Variants in AFF2 observed in about 807,000 individuals in gnomAD.
AFF2 encodes ALF transcription elongation factor 2, also known as AF4/FMR2 family member 2.
Under a neutral mutation model 76.9 loss-of-function variants are expected in AFF2, and 14 were observed. The ratio of observed to expected loss-of-function variants is 0.18; its 90% CI spans 0.12 to 0.28. AFF2 has a LOEUF of 0.28. AFF2 is among the 10% of genes least tolerant of loss of function. AFF2 has a pLI of 1.00. For synonymous variants in AFF2, 398 were observed against 366.7 expected (o/e 1.09, Z -0.98); for missense variants, 868 against 1,001.1 (o/e 0.87, Z 1.79).
Position 148,704,102 on chromosome X carries a change from TTA to T in AFF2, c.1041+41348_1041+41349del, listed in dbSNP as rs1163174549. On this transcript the variant is annotated intron_variant, in intron 3 of 20. Transcript: ENST00000370460. ...ATATATGCCTATAATTATATATATATTATATATATATATATTTATATATGCCT... is the reference window on the plus strand; with the variant it reads ...ATATATGCCTATAATTATATATATATTATATATATATATTTATATATGCCT... Among the ~76,000 whole-genome samples the T allele has an allele frequency of 1.8e-3, 185 of 101,982 alleles. 5 individuals carry two copies. The highest frequency in any genetic ancestry group is 0.017 in the Admixed American group (148 of 8,529). 88.6% of individuals were successfully genotyped at this position (101,982 alleles called of 115,157 possible).
chrX:148,979,114 C>T (rs1219676457), intron 18 of AFF2, among the ~76,000 whole-genome samples: 2 of 112,185 alleles, frequency 1.8e-5, no homozygotes, highest in Non-Finnish European at 3.8e-5. Context: ...TCTCCAACAA[C>T]AGTCATGATT....
intron 3 of AFF2, among the ~76,000 whole-genome samples, chrX:148,674,917 T>C (rs1557259351): frequency 8.9e-6 from 1 of 112,702 alleles, no homozygotes; most frequent in Non-Finnish European, 1.9e-5. Context: ...AAACAAGTCC[T>C]CTTGTATAGC....
chrX:148,538,675 T>G (rs782551619), intron 1 of AFF2, among the ~76,000 whole-genome samples: 2 of 112,533 alleles, frequency 1.8e-5, no homozygotes, highest in South Asian at 7.3e-4. Flanking sequence ...ATCCTTACTA[T>G]GTGCAAGGTC....
intron 3 of AFF2, among the ~76,000 whole-genome samples, chrX:148,703,943 GC>G (rs1429731280): frequency 2.8e-5 from 3 of 108,837 alleles, no homozygotes; most frequent in African/African-American, 1.0e-4. Context: ...AGGCTGGAGT[GC>G]AATGGCACAA....
chrX:148,616,128 C>T (rs2053797895), intron 1 of AFF2, among the ~76,000 whole-genome samples: 1 of 111,618 alleles, frequency 9.0e-6, no homozygotes, highest in African/African-American at 3.2e-5. Flanking sequence ...CCCTGCCCCT[C>T]CTCAATGAGC....
intron 1 of AFF2, among the ~76,000 whole-genome samples, chrX:148,615,908 T>C (rs2053794410): frequency 9.0e-6 from 1 of 111,718 alleles, no homozygotes; most frequent in Non-Finnish European, 1.9e-5. Context: ...CTTACCTACA[T>C]TAAGGCTCTG....
intron 3 of AFF2, among the ~76,000 whole-genome samples, chrX:148,809,368 A>G (rs1557271595): frequency 8.9e-6 from 1 of 112,151 alleles, no homozygotes; most frequent in Admixed American, 9.4e-5. Flanking sequence ...GGATTCACTG[A>G]GTATACTTCT....
At chrX:148,885,800 C>T (rs1387187796) in intron 7 of AFF2, 89 bp from the exon 8 acceptor site, 1 of 787,698 alleles carries the variant, frequency 1.3e-6, no homozygotes, top group Non-Finnish European at 1.9e-6. Flanking sequence ...GATTGTAGCT[C>T]CAATACTTTA....
chrX:148,558,382 C>T (rs951149518), intron 1 of AFF2, among the ~76,000 whole-genome samples: 16 of 110,941 alleles, frequency 1.4e-4, no homozygotes, highest in Non-Finnish European at 2.6e-4. Flanking sequence ...GTTCTGTGGG[C>T]CCAAGTGTTT....
chrX:148,665,620 G>A (rs781913680), intron 3 of AFF2, among the ~76,000 whole-genome samples: 23 of 111,463 alleles, frequency 2.1e-4, no homozygotes, highest in Non-Finnish European at 4.1e-4. Flanking sequence ...ATTAAAATGC[G>A]GGCATAAATA....
chrX:148,719,234 A>G, intron 3 of AFF2: 3 of 1,136,356 alleles, frequency 2.6e-6, no homozygotes, highest in Non-Finnish European at 3.5e-6. Flanking sequence ...AGATGAAGGT[A>G]GGCAATATGA....
At chrX:148,861,713 A>G (rs782107391) in intron 7 of AFF2, among the ~76,000 whole-genome samples, 30 of 111,383 alleles carry the variant, frequency 2.7e-4, no homozygotes, top group Non-Finnish European at 5.3e-4. Flanking sequence ...ACTCAGCTTC[A>G]ATATCTACCT....
rs1016906208 is a variant in AFF2 at position 148,854,790 on chromosome X, C to T, written c.1262+11357C>T. ...GGAATTCCTTTGTGCATGTCTTTCCCAAGGCAAGCACATCACGGTGTGTCT... is the reference window on the plus strand; with the variant it reads ...GGAATTCCTTTGTGCATGTCTTTCCTAAGGCAAGCACATCACGGTGTGTCT... On this transcript the variant is annotated intron_variant, in intron 7 of 20. Coordinates refer to ENST00000370460, the MANE Select transcript of AFF2 (RefSeq NM_002025.4). Among the ~76,000 whole-genome samples, 3 of 111,688 alleles carry T rather than the reference C, an allele frequency of 2.7e-5. No homozygotes were observed. The East Asian group carries it at 8.5e-4, about 32-fold the overall frequency.
intron 3 of AFF2, among the ~76,000 whole-genome samples, chrX:148,734,323 G>T (rs781881511): frequency 4.5e-5 from 5 of 111,884 alleles, no homozygotes; most frequent in Non-Finnish European, 7.5e-5. Context: ...TATATTATGT[G>T]CTTGGCACTC....
chrX:148,769,095 C>T (rs1301265783), intron 3 of AFF2, among the ~76,000 whole-genome samples: 1 of 112,312 alleles, frequency 8.9e-6, no homozygotes, highest in Non-Finnish European at 1.9e-5. Context: ...AGCCTTGAAA[C>T]TGTGCAACCT....
intron 1 of AFF2, among the ~76,000 whole-genome samples, chrX:148,623,069 G>T (rs782131580): frequency 9.0e-6 from 1 of 111,231 alleles, no homozygotes; most frequent in Non-Finnish European, 1.9e-5. Flanking sequence ...CAGAGATTAA[G>T]AAATAAAAAT....
At chrX:148,943,665 G>A (rs2071866838) in intron 9 of AFF2, among the ~76,000 whole-genome samples, 1 of 112,105 alleles carries the variant, frequency 8.9e-6, no homozygotes, top group Non-Finnish European at 1.9e-5. Flanking sequence ...ATCCAATGAT[G>A]ATGATATCCT....
intron 7 of AFF2, among the ~76,000 whole-genome samples, chrX:148,866,127 G>A (rs1420714122): frequency 9.0e-6 from 1 of 111,678 alleles, no homozygotes; most frequent in African/African-American, 3.3e-5. Flanking sequence ...TAAGGGGAGA[G>A]CAATGTAGGT....
intron 3 of AFF2, among the ~76,000 whole-genome samples, chrX:148,697,716 G>A (rs1222222057): frequency 1.8e-5 from 2 of 111,435 alleles, no homozygotes; most frequent in African/African-American, 6.5e-5. Context: ...GGTTATTTGA[G>A]GTTATTTGAT....
Sources: allele counts gnomAD v4.1 joint callset (sites outside exome capture counted in the v4.1 genomes callset), GRCh38; gene constraint gnomAD v4.1.1; transcripts MANE v1.5; gene names NCBI Gene and HGNC (gene_info 2026-07-23, HGNC 2026-07-21).